The following KLHL14 variants were observed in gnomAD, a reference collection of about 807,000 sequenced individuals.
KLHL14 encodes the protein kelch-like protein 14.
In KLHL14, 22 loss-of-function variants were observed where a neutral mutation model predicts 64.3. That is an observed-to-expected ratio of 0.34 (90% CI 0.24 to 0.49). The LOEUF (loss-of-function observed/expected upper bound fraction) is 0.49, where lower values mean the gene tolerates loss of function less well. Ranked by LOEUF, KLHL14 falls within the 20% of genes least tolerant of loss-of-function variation. KLHL14 has a pLI of 0.99. For synonymous variants in KLHL14, 322 were observed against 333.4 expected (o/e 0.97, Z 0.37); for missense variants, 661 against 789.0 (o/e 0.84, Z 1.94).
At chr18:32,695,863 T>G (rs1293190605) in intron 3 of KLHL14, among the ~76,000 whole-genome samples, 1 of 152,168 alleles carries the variant, frequency 6.6e-6, no homozygotes, top group South Asian at 2.1e-4. Context: ...TGCCTGATGA[T>G]GTGGATAGTG....
chr18:32,762,705 C>G lies in KLHL14; in HGVS notation c.947+6940G>C, dbSNP rs2050320873. On this transcript the variant is annotated intron_variant, in intron 2 of 8. Coordinates refer to ENST00000359358, the MANE Select transcript of KLHL14 (RefSeq NM_020805.3). ...GGTTAAGTGATCCTCCTACCCATAT[C>G]AAAATAGTGTTTTTTTGTTTTAATT... Among the ~76,000 whole-genome samples the G allele has an allele frequency of 4.6e-5, 7 of 152,150 alleles. No homozygotes were observed. The South Asian group carries it at 1.5e-3, about 32-fold the overall frequency.
At chr18:32,766,828 C>T (rs2050348349) in intron 2 of KLHL14, among the ~76,000 whole-genome samples, 1 of 151,884 alleles carries the variant, frequency 6.6e-6, no homozygotes, top group African/African-American at 2.4e-5. Context: ...TACTTGGGTT[C>T]CTTTACTTTT....
intron 3 of KLHL14, among the ~76,000 whole-genome samples, chr18:32,732,585 T>A (rs893125854): frequency 6.6e-6 from 1 of 152,224 alleles, no homozygotes; most frequent in Non-Finnish European, 1.5e-5. Context: ...AGAGTCAGTG[T>A]GACATTTCCT....
At chr18:32,742,156 G>A (rs1362822133) in intron 2 of KLHL14, 107 bp from the exon 3 acceptor site, 3 of 1,314,970 alleles carry the variant, frequency 2.3e-6, no homozygotes, top group African/African-American at 3.0e-5. Flanking sequence ...GCAGATATCT[G>A]TTTCATTTTT....
chr18:32,689,781 G>C (rs2049898056), intron 4 of KLHL14, among the ~76,000 whole-genome samples: 1 of 152,206 alleles, frequency 6.6e-6, no homozygotes, highest in Non-Finnish European at 1.5e-5. Flanking sequence ...GGAAATAAGT[G>C]AATAGATTGG....
chr18:32,742,701 C>T (rs2050205163), intron 2 of KLHL14, among the ~76,000 whole-genome samples: 2 of 152,160 alleles, frequency 1.3e-5, no homozygotes, highest in Admixed American at 1.3e-4. Flanking sequence ...TATAGCAGCA[C>T]CAATTGGTAA....
chr18:32,747,219 G>T (rs937920305), intron 2 of KLHL14, among the ~76,000 whole-genome samples: 1 of 152,000 alleles, frequency 6.6e-6, no homozygotes, highest in Non-Finnish European at 1.5e-5. Flanking sequence ...TTGGTACCAG[G>T]GTCCGGTTTC....
At chr18:32,688,428 T>C (rs2049890576) in intron 4 of KLHL14, among the ~76,000 whole-genome samples, 1 of 152,236 alleles carries the variant, frequency 6.6e-6, no homozygotes, top group Admixed American at 6.5e-5. Flanking sequence ...TCTGTATCCT[T>C]ATAAATGAAT....
At chr18:32,752,099 G>C (rs1015417043) in intron 2 of KLHL14, among the ~76,000 whole-genome samples, 2 of 151,970 alleles carry the variant, frequency 1.3e-5, no homozygotes, top group Non-Finnish European at 2.9e-5. Flanking sequence ...TGCACTCCAG[G>C]CTGGGCAACA....
chr18:32,723,358 G>A (rs2144512491), intron 3 of KLHL14, among the ~76,000 whole-genome samples: 1 of 152,284 alleles, frequency 6.6e-6, no homozygotes, highest in East Asian at 1.9e-4. Flanking sequence ...TCCTTGCTCT[G>A]TTCTTCCACT....
chr18:32,707,669 C>T (rs2049997200), intron 3 of KLHL14, among the ~76,000 whole-genome samples: 1 of 152,158 alleles, frequency 6.6e-6, no homozygotes, highest in Admixed American at 6.5e-5. Context: ...ACCAAGCTTC[C>T]CTGGTAGATA....
At chr18:32,686,426 A>G (rs2049879617) in intron 5 of KLHL14, among the ~76,000 whole-genome samples, 2 of 152,126 alleles carry the variant, frequency 1.3e-5, no homozygotes, top group Non-Finnish European at 2.9e-5. Flanking sequence ...TGTGCAGATA[A>G]AGACATGGTG....
intron 1 of KLHL14, among the ~76,000 whole-genome samples, chr18:32,772,441 C>T (rs2050395309): frequency 6.6e-6 from 1 of 151,742 alleles, no homozygotes; most frequent in African/African-American, 2.4e-5. Context: ...CGTTGTCTCC[C>T]CCCGCCCCAT....
chr18:32,713,966 T>C (rs1337575729), intron 3 of KLHL14, among the ~76,000 whole-genome samples: 1 of 152,146 alleles, frequency 6.6e-6, no homozygotes, highest in East Asian at 1.9e-4. Flanking sequence ...AAATCTACCT[T>C]TGATAAAATT....
At chr18:32,751,691 CTT>C (rs1376509101) in intron 2 of KLHL14, among the ~76,000 whole-genome samples, 1 of 152,168 alleles carries the variant, frequency 6.6e-6, no homozygotes, top group Non-Finnish European at 1.5e-5. Context: ...ATGGAAGTAA[CTT>C]TAAGATTTGT....
chr18:32,674,485 G>GTATCTGT lies in KLHL14; in HGVS notation c.*165_*171dup. 1 of 570,802 alleles carries GTATCTGT rather than the reference G, an allele frequency of 1.8e-6. No homozygotes were observed. The highest frequency in any genetic ancestry group is 3.2e-6 in the Non-Finnish European group (1 of 315,202). The allele number at this position is 570,802 out of a possible 1,614,324, so 35.4% of individuals were successfully genotyped here. A position where few individuals can be genotyped will look rare whatever the true frequency, so the allele number is the denominator to read the frequency against. The stretch of plus-strand genomic sequence containing the variant: ...TGGTGCGATCTGAGTTATAGACATA[G>GTATCTGT]TATCTGTTCAAGAACAGGTCTCTTT... On this transcript the variant is annotated 3_prime_UTR_variant, in exon 9 of 9. Coordinates refer to ENST00000359358, the MANE Select transcript of KLHL14 (RefSeq NM_020805.3).
chr18:32,707,493 C>T (rs2049996320), intron 3 of KLHL14, among the ~76,000 whole-genome samples: 1 of 152,250 alleles, frequency 6.6e-6, no homozygotes, highest in African/African-American at 2.4e-5. Flanking sequence ...GGAGCATTCC[C>T]ACTACCTTAG....
At chr18:32,754,019 G>C (rs1470300427) in intron 2 of KLHL14, among the ~76,000 whole-genome samples, 1 of 152,208 alleles carries the variant, frequency 6.6e-6, no homozygotes, top group Non-Finnish European at 1.5e-5. Context: ...GCAGGGTCCT[G>C]CTGCTCTCTA....
chr18:32,771,026 G>T, intron 1 of KLHL14: 1 of 357,750 alleles, frequency 2.8e-6, no homozygotes. Context: ...TGTCCATGCC[G>T]GGCCAGATGA....
Sources: allele counts gnomAD v4.1 joint callset (sites outside exome capture counted in the v4.1 genomes callset), GRCh38; gene constraint gnomAD v4.1.1; transcripts MANE v1.5; gene names NCBI Gene and HGNC (gene_info 2026-07-23, HGNC 2026-07-21).